The following CCDC12 variants were observed in gnomAD, a reference collection of about 807,000 sequenced individuals.
The protein encoded by CCDC12 is coiled-coil domain containing 12, also known as coiled-coil domain-containing protein 12.
A neutral mutation model predicts 25.7 loss-of-function variants in CCDC12; 28 were observed. The ratio of observed to expected loss-of-function variants is 1.09; its 90% CI spans 0.81 to 1.50. The LOEUF (loss-of-function observed/expected upper bound fraction) is 1.50. Among genes scored for constraint, CCDC12 ranks in the 40% most tolerant of loss-of-function variants. CCDC12 has a pLI of 0.00. For missense variants in CCDC12, 198 were observed against 210.0 expected, an observed-to-expected ratio of 0.94 and a Z score of 0.35; for synonymous variants, 75 against 87.7, an observed-to-expected ratio of 0.86 and a Z score of 0.81.
chr3:46,981,391 G>C (rs1814564), upstream of CCDC12, among the ~76,000 whole-genome samples: 142,447 of 151,822 alleles, frequency 0.94, 67,515 homozygotes, highest in East Asian at 1. Flanking sequence ...GCAGTGAGCC[G>C]AGATCGCGCC....
At chr3:46,956,620 A>C (rs1364705608) in intron 1 of CCDC12, among the ~76,000 whole-genome samples, 2 of 152,126 alleles carry the variant, frequency 1.3e-5, no homozygotes, top group Non-Finnish European at 2.9e-5. Flanking sequence ...CCAGGAGTTC[A>C]AGACCAGTCT....
intron 2 of CCDC12, among the ~76,000 whole-genome samples, chr3:46,934,187 TGGCCATGTG>T (rs2107122056): frequency 6.6e-6 from 1 of 152,388 alleles, no homozygotes; most frequent in South Asian, 2.1e-4. Flanking sequence ...TTGGTCACAC[TGGCCATGTG>T]GGACCCAGAT....
chr3:46,962,797 T>C (rs1052950063), intron 1 of CCDC12, among the ~76,000 whole-genome samples: 2 of 152,210 alleles, frequency 1.3e-5, no homozygotes, highest in African/African-American at 4.8e-5. Context: ...AGAGCCATTT[T>C]GCAAAAGTGT....
At chr3:46,976,433 C>G in intron 1 of CCDC12, 3 of 1,418,800 alleles carry the variant, frequency 2.1e-6, no homozygotes, top group Non-Finnish European at 2.8e-6. Flanking sequence ...GCATGCGCGA[C>G]GACCGCACCA....
intron 1 of CCDC12, among the ~76,000 whole-genome samples, chr3:46,946,444 C>A (rs1184498388): frequency 1.3e-5 from 2 of 152,236 alleles, no homozygotes; most frequent in Admixed American, 1.3e-4. Flanking sequence ...TATGAGGCAG[C>A]TAAAGAAGGC....
chr3:46,936,376 T>C (rs1236442608), intron 2 of CCDC12, among the ~76,000 whole-genome samples: 1 of 152,208 alleles, frequency 6.6e-6, no homozygotes, highest in African/African-American at 2.4e-5. Flanking sequence ...CTTTTCGAGG[T>C]GTGTCCAGAG....
chr3:46,941,056 C>A lies in CCDC12; in HGVS notation c.106G>T (p.Asp36Tyr). 1 of 1,614,190 alleles carries A rather than the reference C, an allele frequency of 6.2e-7. No homozygotes were observed. The highest frequency in any genetic ancestry group is 8.5e-7 in the Non-Finnish European group (1 of 1,180,020). Residue 36 changes from aspartate to tyrosine, a missense_variant, in exon 2 of 7, where the codon GAT becomes TAT. Asp to Tyr is a radical substitution (Grantham distance 160). Transcript: ENST00000683445. Reference protein sequence around the residue: ...REKTGRKDKEDGEPKTKHLRE... With the variant: ...REKTGRKDKEYGEPKTKHLRE... The stretch of plus-strand genomic sequence containing the variant: ...AGATGCTTGGTCTTTGGCTCCCCAT[C>A]TTCCTTGTCCTGCAAAGAAAGGGAG...
At position 46,972,179 on chromosome 3, in the gene CCDC12, A is replaced by G. The variant is rs183063775; in HGVS notation, c.96+4458T>C. Among the ~76,000 whole-genome samples the G allele has an allele frequency of 1.2e-3, 177 of 152,358 alleles. 1 individual carries two copies. The highest frequency in any genetic ancestry group is 4.2e-3 in the African/African-American group (173 of 41,586). On this transcript the variant is annotated intron_variant, in intron 1 of 6. Coordinates refer to ENST00000683445, the MANE Select transcript of CCDC12 (RefSeq NM_001277074.2). ...TTTTAAACTCTTTGCGCAGCAAATG[A>G]GACTATCCACCAGGTGCGGTGGTTC...
chr3:46,927,690 A>T (rs892452493), intron 2 of CCDC12, among the ~76,000 whole-genome samples: 1 of 152,180 alleles, frequency 6.6e-6, no homozygotes, highest in East Asian at 1.9e-4. Flanking sequence ...CAGTTTCCAC[A>T]TTTAGAAACA....
At chr3:46,931,264 C>T (rs73831409) in intron 2 of CCDC12, among the ~76,000 whole-genome samples, 1,669 of 152,226 alleles carry the variant, frequency 0.011, 24 homozygotes, top group African/African-American at 0.039. Flanking sequence ...TGCAGGAGCC[C>T]GGGACATGGG....
At chr3:46,933,263 C>G (rs559558951) in intron 2 of CCDC12, among the ~76,000 whole-genome samples, 1 of 152,194 alleles carries the variant, frequency 6.6e-6, no homozygotes, top group African/African-American at 2.4e-5. Flanking sequence ...CTAAAAATTA[C>G]AATTTTAGGT....
intron 1 of CCDC12, among the ~76,000 whole-genome samples, chr3:46,947,915 C>T (rs1050166021): frequency 2.0e-5 from 3 of 152,186 alleles, no homozygotes; most frequent in African/African-American, 7.2e-5. Context: ...GACATCATAT[C>T]ACCATTACAA....
At chr3:46,976,921 T>C (rs2035016643), upstream of CCDC12, 10 of 918,038 alleles carry the variant, frequency 1.1e-5, no homozygotes, top group Non-Finnish European at 1.5e-5. Flanking sequence ...CCGCCCTTAT[T>C]CTTCCGGACA....
chr3:46,939,987 C>T (rs953571210), intron 2 of CCDC12, among the ~76,000 whole-genome samples: 5 of 152,200 alleles, frequency 3.3e-5, no homozygotes, highest in Non-Finnish European at 5.9e-5. Flanking sequence ...ATCTACACCC[C>T]CCTGTGCCTG....
At chr3:46,953,625 C>A (rs1339475499) in intron 1 of CCDC12, among the ~76,000 whole-genome samples, 3 of 151,074 alleles carry the variant, frequency 2.0e-5, no homozygotes, top group Non-Finnish European at 4.4e-5. Context: ...CTTGTCAATG[C>A]CTAATGACTT....
At chr3:46,926,327 G>C (rs1033483046) in intron 2 of CCDC12, among the ~76,000 whole-genome samples, 2 of 152,230 alleles carry the variant, frequency 1.3e-5, no homozygotes, top group Non-Finnish European at 2.9e-5. Context: ...AGTGAGGGCT[G>C]TGAAAATAGG....
chr3:46,954,729 G>T (rs1436747672), intron 1 of CCDC12, among the ~76,000 whole-genome samples: 1 of 152,164 alleles, frequency 6.6e-6, no homozygotes, highest in Non-Finnish European at 1.5e-5. Flanking sequence ...TTCAAGACCA[G>T]CCTGGCCAAC....
At chr3:46,924,422 G>A (rs1199777632) in intron 3 of CCDC12, among the ~76,000 whole-genome samples, 2 of 152,224 alleles carry the variant, frequency 1.3e-5, no homozygotes, top group African/African-American at 2.4e-5. Flanking sequence ...AGCAAATCAC[G>A]GGGAAGTGTC....
chr3:46,979,698 C>T (rs889687960), upstream of CCDC12: 1 of 311,312 alleles, frequency 3.2e-6, no homozygotes, highest in Non-Finnish European at 5.9e-6. Context: ...ACTTGGGTGG[C>T]TCTGCGCCGC....
Sources: gnomAD v4.1 joint callset for allele counts (sites outside exome capture counted in the v4.1 genomes callset) on GRCh38, gnomAD v4.1.1 for gene constraint, MANE v1.5 for transcripts, NCBI Gene and HGNC (gene_info 2026-07-23, HGNC 2026-07-21) for gene names.